Variants in RPL12 observed in about 807,000 individuals in gnomAD.
The protein encoded by RPL12 is ribosomal protein L12, also known as large ribosomal subunit protein uL11.
Under a neutral mutation model 24.5 loss-of-function variants are expected in RPL12, and 10 were observed. That is an observed-to-expected ratio of 0.41 (90% CI 0.25 to 0.69). RPL12 has a LOEUF of 0.69. RPL12 is among the 30% of genes least tolerant of loss of function. The probability of loss-of-function intolerance (pLI) is 0.33; values close to 1 mark genes in which losing one functional copy is unlikely to be tolerated. For missense variants in RPL12, 137 were observed against 205.3 expected (o/e 0.67, Z 2.03); for synonymous variants, 74 against 76.1 (o/e 0.97, Z 0.14).
chr9:127,451,177 G>A lies in RPL12; in HGVS notation c.37+104C>T, dbSNP rs1006702233. ...GCGGCGCAACACCGGGAAGGTCTCT[G>A]GGAGGCAGCGGCTTTAAGAGCCCCA... On this transcript the variant is annotated intron_variant, in intron 1 of 6. Transcript: ENST00000361436. 4 of 1,470,188 alleles carry A rather than the reference G, an allele frequency of 2.7e-6. No individual in the cohort carries two copies. The African/African-American group carries it at 4.2e-5, about 15-fold the overall frequency. 91.1% of individuals were successfully genotyped at this position (1,470,188 alleles called of 1,614,324 possible).
chr9:127,449,519 C>T (rs1834232052), intron 3 of RPL12, 91 bp downstream of exon 3: 1 of 1,352,566 alleles, frequency 7.4e-7, no homozygotes, highest in Non-Finnish European at 1.0e-6. Flanking sequence ...TCTCGGCTCA[C>T]CACTGGTGGC....
rs1452368336 is a variant in RPL12 at position 127,450,743 on chromosome 9, G to A, written c.99C>T (p.Gly33=). ...GATSALAPKI[G]PLGLSPKKVG... Reference sequence around the variant, plus strand: ...GGGGATAACGTACCAGACCCAGGGGGCCGATCTTGGGGGCCAGGGCAGAAG... The same window carrying A: ...GGGGATAACGTACCAGACCCAGGGGACCGATCTTGGGGGCCAGGGCAGAAG... Residue 33 remains glycine (G), a synonymous_variant, in exon 2 of 7, where the codon GGC becomes GGT. Transcript: ENST00000361436. The A allele has an allele frequency of 1.3e-6, 2 of 1,580,606 alleles. No individual in the cohort carries two copies. The highest frequency in any genetic ancestry group is 1.1e-5 in the South Asian group (1 of 87,046).
chr9:127,451,173 C>G (rs1266129944), intron 1 of RPL12, 108 bp downstream of exon 1: 1 of 1,456,156 alleles, frequency 6.9e-7, no homozygotes, highest in African/African-American at 1.4e-5. Flanking sequence ...CCGGGAAGGT[C>G]TCTGGGAGGC....
chr9:127,447,765 A>G (rs750847815), intron 6 of RPL12, 39 bp from the exon 7 acceptor site: 22 of 1,613,418 alleles, frequency 1.4e-5, no homozygotes, highest in African/African-American at 2.7e-5. Context: ...AAAGTTTAAA[A>G]GGATTATCCC....
At chr9:127,447,794 T>TC in intron 6 of RPL12, 68 bp from the exon 7 acceptor site, 1 of 1,612,270 alleles carries the variant, frequency 6.2e-7, no homozygotes, top group African/African-American at 1.3e-5. Context: ...AGTAACCATT[T>TC]CCAAAACTTC....
At chr9:127,448,190 A>G in intron 5 of RPL12, 147 bp downstream of exon 5, 1 of 964,092 alleles carries the variant, frequency 1.0e-6, no homozygotes, top group South Asian at 1.5e-5. Flanking sequence ...CAGATTAAAC[A>G]CATCCAATTT....
At chr9:127,449,167 TCAACACC>T in intron 4 of RPL12, 107 bp downstream of exon 4, 4 of 807,900 alleles carry the variant, frequency 5.0e-6, no homozygotes, top group Admixed American at 2.3e-5. Flanking sequence ...CCTAACCATA[TCAACACC>T]CAATACCCAT....
rs748172463 is a variant in RPL12, at chr9:127,451,349, A to G, written c.-32T>C. 3.8e-5 allele frequency: 61 copies of G among 1,611,056 alleles called. 1 individual carries two copies. In the South Asian group the frequency reaches 6.6e-4, roughly 17 times the overall value. ...GGCGGCTGGTGTCGGATGAACCCGG[A>G]TTCGGGACGACCGAAGGAAGTTGCA... is the stretch of plus-strand genomic sequence containing the variant. On this transcript the variant is annotated 5_prime_UTR_variant, in exon 1 of 7. Transcript: ENST00000361436.
intron 4 of RPL12, chr9:127,448,682 T>C (rs1834216481): frequency 1.4e-6 from 1 of 692,702 alleles, no homozygotes; most frequent in Non-Finnish European, 2.7e-6. Flanking sequence ...AGAAACTGTT[T>C]TAGAGAAATG....
At chr9:127,450,412 T>G in intron 2 of RPL12, 1 of 285,624 alleles carries the variant, frequency 3.5e-6, no homozygotes, top group Non-Finnish European at 6.6e-6. Flanking sequence ...CCATGCCCAC[T>G]TCCTGACGAG....
At position 127,450,719 on chromosome 9, in the gene RPL12, G is replaced by A. The variant is rs1035531859; in HGVS notation, c.111+12C>T. Reference sequence around the variant, plus strand: ...AATGTGAAAAAAATGCCCCTTGGAGGGGATAACGTACCAGACCCAGGGGGC... The same window carrying A: ...AATGTGAAAAAAATGCCCCTTGGAGAGGATAACGTACCAGACCCAGGGGGC... On this transcript the variant is annotated intron_variant, in intron 2 of 6. Transcript: ENST00000361436. The A allele has an allele frequency of 6.4e-6, 10 of 1,567,642 alleles. No homozygotes were observed. The highest frequency in any genetic ancestry group is 1.4e-5 in the African/African-American group (1 of 73,202).
At chr9:127,448,623 G>C in intron 4 of RPL12, 200 bp from the exon 5 acceptor site, 1 of 753,458 alleles carries the variant, frequency 1.3e-6, no homozygotes, top group Admixed American at 1.7e-5. Flanking sequence ...GTCAGGTGCA[G>C]TGGCGGGTGG....
intron 4 of RPL12, 125 bp downstream of exon 4, chr9:127,449,156 C>T: frequency 1.4e-6 from 1 of 730,832 alleles, no homozygotes; most frequent in Non-Finnish European, 2.3e-6. Flanking sequence ...GCTCTAGCAG[C>T]CCTAACCATA....
Position 127,449,330 on chromosome 9 carries a change from G to T in RPL12, c.243C>A (p.Ile81=). Residue 81 remains isoleucine (I), a synonymous_variant, in exon 4 of 7, where the codon ATC becomes ATA. Coordinates refer to ENST00000361436, the MANE Select transcript of RPL12 (RefSeq NM_000976.4). The stretch of plus-strand genomic sequence containing the variant: ...TTGGTGGTTCCTTGAGGGCTTTGAT[G>T]ATCAGGGCAGAGGCAGAAGGCACCA... ...IEVVPSASAL[I]IKALKEPPRD... The T allele has an allele frequency of 6.2e-7, 1 of 1,610,880 alleles. No homozygotes were observed. Among genetic ancestry groups the T allele is most frequent in the Non-Finnish European group, 8.5e-7 (1 of 1,179,956 alleles).
chr9:127,447,831 G>T, intron 6 of RPL12, 46 bp downstream of exon 6: 1 of 1,611,650 alleles, frequency 6.2e-7, no homozygotes, highest in South Asian at 1.1e-5. Flanking sequence ...AATACACTGG[G>T]TGGCCCCCCT....
chr9:127,448,267 A>T, intron 5 of RPL12, 70 bp downstream of exon 5: 1 of 1,286,386 alleles, frequency 7.8e-7, no homozygotes, highest in Non-Finnish European at 1.1e-6. Context: ...CCCTTCAAGT[A>T]AGAAGAATGT....
intron 6 of RPL12, 48 bp downstream of exon 6, chr9:127,447,829 G>A: frequency 1.2e-6 from 2 of 1,611,796 alleles, no homozygotes; most frequent in Non-Finnish European, 1.7e-6. Flanking sequence ...TGAATACACT[G>A]GGTGGCCCCC....
At chr9:127,450,925 G>A in intron 1 of RPL12, 121 bp from the exon 2 acceptor site, 1 of 798,850 alleles carries the variant, frequency 1.3e-6, no homozygotes, top group Non-Finnish European at 2.0e-6. Context: ...CAGAGCGCGA[G>A]GCGGGCCACC....
intron 1 of RPL12, 126 bp downstream of exon 1, chr9:127,451,155 G>T (rs971259456): frequency 1.5e-6 from 2 of 1,300,436 alleles, no homozygotes; most frequent in Non-Finnish European, 2.1e-6. Context: ...GGCCGGGGCG[G>T]CGCAACACCG....
Sources: allele counts gnomAD v4.1 joint callset, GRCh38; gene constraint gnomAD v4.1.1; transcripts MANE v1.5; gene names NCBI Gene and HGNC (gene_info 2026-07-23, HGNC 2026-07-21).